The following GORASP2 variants were observed in gnomAD, a reference collection of about 807,000 sequenced individuals.
GORASP2 encodes Golgi reassembly-stacking protein 2.
In GORASP2, 22 loss-of-function variants were observed where a neutral mutation model predicts 45.7. That is an observed-to-expected ratio of 0.48 (90% CI 0.34 to 0.69). The LOEUF (loss-of-function observed/expected upper bound fraction) is 0.69, where lower values mean the gene tolerates loss of function less well. GORASP2 is among the 30% of genes least tolerant of loss of function. The pLI, the probability that GORASP2 is intolerant of heterozygous loss-of-function variation, is 0.01. For missense variants in GORASP2, 491 were observed against 562.7 expected, an observed-to-expected ratio of 0.87 and a Z score of 1.29; for synonymous variants, 221 against 215.6, an observed-to-expected ratio of 1.02 and a Z score of -0.22.
chr2:170,948,642 G>A (rs1704230473), intron 2 of GORASP2: 1 of 373,758 alleles, frequency 2.7e-6, no homozygotes, highest in Admixed American at 4.6e-5. Context: ...TCTAGAATCA[G>A]TGGAGTCTTT....
chr2:170,960,200 A>G (rs1704524439), intron 7 of GORASP2, among the ~76,000 whole-genome samples: 1 of 152,106 alleles, frequency 6.6e-6, no homozygotes, highest in Non-Finnish European at 1.5e-5. Context: ...TAAATTTCCT[A>G]AAGGTTCTGA....
At chr2:170,942,195 T>C (rs1244472170) in intron 1 of GORASP2, among the ~76,000 whole-genome samples, 5 of 152,186 alleles carry the variant, frequency 3.3e-5, no homozygotes, top group Admixed American at 6.5e-5. Flanking sequence ...TTGGGTTGTC[T>C]TTTTTTCTGT....
At chr2:170,936,837 T>C in intron 1 of GORASP2, 1 of 358,558 alleles carries the variant, frequency 2.8e-6, no homozygotes, top group Non-Finnish European at 5.7e-6. Flanking sequence ...TGCAGCGAGC[T>C]ATCCTCACAC....
Position 170,950,187 on chromosome 2 carries a change from T to G in GORASP2, c.349-17T>G. On this transcript the variant is annotated splice_polypyrimidine_tract_variant and intron_variant, in intron 3 of 9. Transcript: ENST00000234160. The stretch of plus-strand genomic sequence containing the variant: ...TTATATATATTAATTTTAGGGTGTG[T>G]GTTTATGTCATTCTAGGAGGTGGAA... 1 of 1,263,838 alleles carries G rather than the reference T, an allele frequency of 7.9e-7. No homozygotes were observed. The highest frequency in any genetic ancestry group is 1.1e-6 in the Non-Finnish European group (1 of 876,028). 78.3% of individuals were successfully genotyped at this position (1,263,838 alleles called of 1,614,324 possible).
chr2:170,944,166 G>C (rs1056219270), intron 1 of GORASP2, among the ~76,000 whole-genome samples: 2 of 152,174 alleles, frequency 1.3e-5, no homozygotes, highest in African/African-American at 4.8e-5. Flanking sequence ...GTGGTAATCT[G>C]ATGCTTGAGA....
At chr2:170,936,648 C>T in intron 1 of GORASP2, 1 of 1,299,864 alleles carries the variant, frequency 7.7e-7, no homozygotes, top group East Asian at 5.6e-5. Context: ...GGCTCAAGCA[C>T]ATTGTCAGAA....
chr2:170,965,710 A>C, intron 9 of GORASP2, 80 bp from the exon 10 acceptor site: 1 of 968,474 alleles, frequency 1.0e-6, no homozygotes, highest in Non-Finnish European at 1.6e-6. Flanking sequence ...AATGAAATGT[A>C]AATAAAAATA....
In GORASP2 at chr2:170,936,406, A is replaced by G. The variant is rs74387872; in HGVS notation, c.63+7003A>G. On this transcript the variant is annotated intron_variant, in intron 1 of 9. Coordinates refer to ENST00000234160, the MANE Select transcript of GORASP2 (RefSeq NM_015530.5). Reference sequence around the variant, plus strand: ...CTAGCCAATTTTAAAATTTTTTTGTAGAGAGATCTTTCTATGTTGCCCAGG... The same window carrying G: ...CTAGCCAATTTTAAAATTTTTTTGTGGAGAGATCTTTCTATGTTGCCCAGG... Among the ~76,000 whole-genome samples the G allele has an allele frequency of 3.9e-3, 595 of 151,578 alleles. 25 individuals are homozygous for G. In the East Asian group the frequency reaches 0.085, roughly 22 times the overall value.
intron 1 of GORASP2, among the ~76,000 whole-genome samples, chr2:170,942,686 G>A (rs1465413230): frequency 6.6e-6 from 1 of 152,176 alleles, no homozygotes; most frequent in Non-Finnish European, 1.5e-5. Flanking sequence ...TTTTTGCATG[G>A]AGATATATTT....
intron 1 of GORASP2, among the ~76,000 whole-genome samples, chr2:170,938,710 A>C (rs746952090): frequency 2.0e-5 from 3 of 152,200 alleles, no homozygotes; most frequent in Non-Finnish European, 4.4e-5. Flanking sequence ...TCATTTTTGC[A>C]GCTAAAGAAA....
At chr2:170,951,667 TTTACTAACC>T (rs1324740341) in intron 5 of GORASP2, 2 of 320,082 alleles carry the variant, frequency 6.2e-6, no homozygotes, top group African/African-American at 4.3e-5. Context: ...AGTCCTTTTC[TTTACTAACC>T]TAAGAGCTAA....
At chr2:170,953,315 C>T (rs1164262074) in intron 5 of GORASP2, among the ~76,000 whole-genome samples, 1 of 151,916 alleles carries the variant, frequency 6.6e-6, no homozygotes, top group African/African-American at 2.4e-5. Context: ...AAGATCATGC[C>T]ACTGTGCTAC....
chr2:170,931,452 G>A (rs1472013359), intron 1 of GORASP2, among the ~76,000 whole-genome samples: 2 of 152,150 alleles, frequency 1.3e-5, no homozygotes, highest in Non-Finnish European at 2.9e-5. Flanking sequence ...TTCATTGTTA[G>A]ATTACCAAGC....
At chr2:170,946,841 G>A (rs1453093899) in intron 1 of GORASP2, among the ~76,000 whole-genome samples, 1 of 151,952 alleles carries the variant, frequency 6.6e-6, no homozygotes, top group Non-Finnish European at 1.5e-5. Flanking sequence ...TTGGGAGGCT[G>A]AGGCACAAGA....
At chr2:170,931,242 G>T (rs1433533080) in intron 1 of GORASP2, among the ~76,000 whole-genome samples, 17 of 152,182 alleles carry the variant, frequency 1.1e-4, no homozygotes, top group Non-Finnish European at 4.4e-5. Context: ...TATTTAGTTA[G>T]ACTTTTACTA....
chr2:170,950,003 T>C (rs1035113372), intron 3 of GORASP2: 1 of 521,328 alleles, frequency 1.9e-6, no homozygotes, highest in Admixed American at 3.7e-5. Context: ...TACAAAAATA[T>C]TTTAAATATT....
chr2:170,949,676 C>T lies in GORASP2; in HGVS notation c.282C>T (p.Gly94=). The change falls in exon 3 of 10, where the codon GGC becomes GGT. Residue 94 remains glycine (G), a synonymous_variant. Coordinates refer to ENST00000234160, the MANE Select transcript of GORASP2 (RefSeq NM_015530.5). ...CAAGTAACCTGTGGGGCGGCCAGGG[C>T]TTATTGGGAGTGAGCATTCGTTTCT... ...VTPSNLWGGQ[G]LLGVSIRFCS... The T allele has an allele frequency of 6.2e-7, 1 of 1,614,062 alleles. No individual in the cohort carries two copies. Among genetic ancestry groups the T allele is most frequent in the Non-Finnish European group, 8.5e-7 (1 of 1,179,954 alleles).
At position 170,956,439 on chromosome 2, in the gene GORASP2, CA is replaced by C. The variant is rs1256185350; in HGVS notation, c.704del (p.Gln235ArgfsTer22). ...TTTTTTTTTCTTTTTTTGGAAGGTC[CA>C]GCTGTCCTCAGTTAATCCCCCGTCT... ...TPLKDGFTEV[Q>X]LSSVNPPSLS... On this transcript the variant is annotated frameshift_variant, in exon 7 of 10. Transcript: ENST00000234160. LOFTEE classifies it high-confidence loss of function. 6.2e-7 allele frequency: 1 copy of C among 1,607,514 alleles called. No individual in the cohort carries two copies. Among genetic ancestry groups the C allele is most frequent in the Non-Finnish European group, 8.5e-7 (1 of 1,178,348 alleles).
intron 1 of GORASP2, among the ~76,000 whole-genome samples, chr2:170,942,864 A>G (rs1373430556): frequency 3.3e-5 from 5 of 152,152 alleles, no homozygotes; most frequent in Admixed American, 2.0e-4. Flanking sequence ...ATCCTTGCCA[A>G]TGCTTGTTAC....
Sources: allele counts gnomAD v4.1 joint callset (sites outside exome capture counted in the v4.1 genomes callset), GRCh38; gene constraint gnomAD v4.1.1; transcripts MANE v1.5; gene names NCBI Gene and HGNC (gene_info 2026-07-23, HGNC 2026-07-21).